TXNDC16: variants seen among roughly 807,000 people sequenced by gnomAD.
TXNDC16 encodes the protein thioredoxin domain-containing protein 16.
In TXNDC16, 74 loss-of-function variants were observed where a neutral mutation model predicts 85.6. The observed-to-expected ratio is 0.86, with a 90% CI of 0.72 to 1.05. The LOEUF is 1.05. Among genes scored for constraint, TXNDC16 ranks in the 50% least tolerant of loss-of-function variants. TXNDC16 has a pLI of 0.00. For missense variants in TXNDC16, 959 were observed against 947.0 expected (o/e 1.01, Z -0.17); for synonymous variants, 335 against 326.5 (o/e 1.03, Z -0.28).
intron 9 of TXNDC16, among the ~76,000 whole-genome samples, chr14:52,502,098 T>C (rs1210272120): frequency 1.3e-5 from 2 of 152,216 alleles, no homozygotes; most frequent in African/African-American, 4.8e-5. Context: ...AAGGTTTGAA[T>C]TCTCAGCTTA....
intron 18 of TXNDC16, 109 bp from the exon 19 acceptor site, chr14:52,440,833 C>T: frequency 5.9e-6 from 6 of 1,012,982 alleles, no homozygotes; most frequent in Non-Finnish European, 8.4e-6. Context: ...AAATGTAATT[C>T]AAACACATTT....
chr14:52,550,623 T>C (rs1262380542), intron 1 of TXNDC16, among the ~76,000 whole-genome samples: 1 of 152,160 alleles, frequency 6.6e-6, no homozygotes, highest in African/African-American at 2.4e-5. Context: ...TTAGTATGGG[T>C]ACTATCCAGA....
intron 6 of TXNDC16, among the ~76,000 whole-genome samples, chr14:52,531,161 G>A (rs951348090): frequency 1.3e-5 from 2 of 152,044 alleles, no homozygotes; most frequent in African/African-American, 4.8e-5. Flanking sequence ...CTAAAATATG[G>A]AACACTGACA....
At chr14:52,486,959 T>TA (rs1411581257) in intron 12 of TXNDC16, among the ~76,000 whole-genome samples, 1 of 151,900 alleles carries the variant, frequency 6.6e-6, no homozygotes, top group South Asian at 2.1e-4. Context: ...ATTGGTCAAT[T>TA]AAAAAAATGG....
In TXNDC16 at chr14:52,465,525, G is replaced by A. The variant is rs138477088; in HGVS notation, c.1618+4512C>T. ...GAGAATGGCGTGAACCTGGGAGGCCGAGCTTGCAGTGAGCCGAGATCGCGC... is the reference window on the plus strand; with the variant it reads ...GAGAATGGCGTGAACCTGGGAGGCCAAGCTTGCAGTGAGCCGAGATCGCGC... On this transcript the variant is annotated intron_variant, in intron 16 of 20. Coordinates refer to ENST00000281741, the MANE Select transcript of TXNDC16 (RefSeq NM_020784.3). Among the ~76,000 whole-genome samples the A allele has an allele frequency of 3.3e-3, 502 of 150,528 alleles. 2 individuals are homozygous for A. The highest frequency in any genetic ancestry group is 0.012 in the African/African-American group (485 of 40,870).
chr14:52,529,487 A>T (rs1174843239), intron 6 of TXNDC16, among the ~76,000 whole-genome samples: 1 of 102,940 alleles, frequency 9.7e-6, no homozygotes, highest in Non-Finnish European at 1.8e-5. Context: ...AAAAGAAAAA[A>T]TACCTACTAT....
At chr14:52,550,664 G>A (rs978361232) in intron 1 of TXNDC16, among the ~76,000 whole-genome samples, 3 of 142,552 alleles carry the variant, frequency 2.1e-5, no homozygotes, top group African/African-American at 7.5e-5. Flanking sequence ...AGAGAATAGA[G>A]GAGAAAAAGA....
chr14:52,477,203 A>G (rs545261826), intron 14 of TXNDC16, among the ~76,000 whole-genome samples: 88 of 152,336 alleles, frequency 5.8e-4, no homozygotes, highest in African/African-American at 2.1e-3. Context: ...AATCCTGGAA[A>G]CACATCAAAA....
chr14:52,478,378 G>A (rs1187187845), intron 14 of TXNDC16, among the ~76,000 whole-genome samples: 1 of 151,854 alleles, frequency 6.6e-6, no homozygotes, highest in African/African-American at 2.4e-5. Context: ...AAAGATAAAT[G>A]AAACAAAAAG....
At chr14:52,541,947 T>C (rs1039854855) in intron 4 of TXNDC16, among the ~76,000 whole-genome samples, 2 of 152,186 alleles carry the variant, frequency 1.3e-5, no homozygotes, top group African/African-American at 4.8e-5. Flanking sequence ...TATAAAGACT[T>C]AGAAGAACAG....
intron 10 of TXNDC16, among the ~76,000 whole-genome samples, 171 bp downstream of exon 10, chr14:52,490,668 T>C (rs1209651701): frequency 3.3e-5 from 5 of 152,218 alleles, no homozygotes; most frequent in Admixed American, 3.3e-4. Context: ...AATTCTAAGT[T>C]TTAATCAACC....
At chr14:52,529,819 T>C (rs1331354259) in intron 6 of TXNDC16, among the ~76,000 whole-genome samples, 1 of 110,368 alleles carries the variant, frequency 9.1e-6, no homozygotes, top group East Asian at 2.6e-4. Context: ...ACCTATTATA[T>C]ATTATGTATT....
chr14:52,484,966 T>C (rs2036235740), intron 12 of TXNDC16, among the ~76,000 whole-genome samples: 1 of 152,184 alleles, frequency 6.6e-6, no homozygotes, highest in East Asian at 1.9e-4. Flanking sequence ...GATTATTGGT[T>C]TATATATTTA....
chr14:52,522,097 T>C (rs1370442840), intron 6 of TXNDC16, among the ~76,000 whole-genome samples: 1 of 152,232 alleles, frequency 6.6e-6, no homozygotes, highest in East Asian at 1.9e-4. Flanking sequence ...TCAAAACAGT[T>C]GGGAGGTACA....
At chr14:52,446,224 G>A (rs183619612) in intron 18 of TXNDC16, among the ~76,000 whole-genome samples, 2 of 152,304 alleles carry the variant, frequency 1.3e-5, no homozygotes, top group East Asian at 3.9e-4. Flanking sequence ...CCTGGCAGTG[G>A]CCACACTGCA....
At chr14:52,530,299 A>AT (rs1478035574) in intron 6 of TXNDC16, among the ~76,000 whole-genome samples, 1,706 of 51,992 alleles carry the variant, frequency 0.033, 55 homozygotes, top group Middle Eastern at 0.075. Flanking sequence ...ATTATATATA[A>AT]TATTAATATA....
intron 18 of TXNDC16, among the ~76,000 whole-genome samples, chr14:52,447,678 C>T (rs1024463193): frequency 1.1e-4 from 17 of 152,034 alleles, no homozygotes; most frequent in African/African-American, 3.6e-4. Flanking sequence ...AAGATGACCT[C>T]ACCAAATGAA....
At chr14:52,450,789 A>C (rs983186224) in intron 18 of TXNDC16, among the ~76,000 whole-genome samples, 2 of 151,732 alleles carry the variant, frequency 1.3e-5, no homozygotes, top group African/African-American at 4.8e-5. Context: ...CACAATTTGC[A>C]ATTGCAAAAA....
chr14:52,458,277 G>A (rs2035578144), intron 16 of TXNDC16, among the ~76,000 whole-genome samples: 1 of 152,312 alleles, frequency 6.6e-6, no homozygotes, highest in South Asian at 2.1e-4. Context: ...TGAGACAACT[G>A]GCCAGGTGCG....
Sources: allele counts gnomAD v4.1 joint callset (sites outside exome capture counted in the v4.1 genomes callset), GRCh38; gene constraint gnomAD v4.1.1; transcripts MANE v1.5; gene names NCBI Gene and HGNC (gene_info 2026-07-23, HGNC 2026-07-21).